NTRK1: variants seen among roughly 807,000 people sequenced by gnomAD.
NTRK1 encodes neurotrophic receptor tyrosine kinase 1.
In NTRK1, 62 loss-of-function variants were observed where a neutral mutation model predicts 86.8. That is an observed-to-expected ratio of 0.71 (90% CI 0.58 to 0.88). The LOEUF is 0.88. Ranked by LOEUF, NTRK1 falls within the 40% of genes least tolerant of loss-of-function variation. The pLI, the probability that NTRK1 is intolerant of heterozygous loss-of-function variation, is 0.00. For synonymous variants in NTRK1, 469 were observed against 456.6 expected (o/e 1.03, Z -0.35); for missense variants, 967 against 1,078.4 (o/e 0.90, Z 1.45).
At chr1:156,864,300 T>C (rs1655822103) in intron 1 of NTRK1, 54 bp from the exon 2 acceptor site, 1 of 1,575,554 alleles carries the variant, frequency 6.3e-7, no homozygotes, top group African/African-American at 1.3e-5. Flanking sequence ...TGGGTGGGCA[T>C]GGGAACTCAA....
upstream of NTRK1, chr1:156,858,925 C>T: frequency 2.5e-6 from 1 of 405,282 alleles, no homozygotes; most frequent in East Asian, 4.5e-5. Flanking sequence ...GAGAAAATGA[C>T]ACAGGGTTCT....
At chr1:156,827,664 TG>T (rs1314941235) in intron 1 of NTRK1, among the ~76,000 whole-genome samples, 1 of 152,080 alleles carries the variant, frequency 6.6e-6, no homozygotes, top group Non-Finnish European at 1.5e-5. Flanking sequence ...TCCAAAATGC[TG>T]GGATTAAAGG....
At chr1:156,863,379 C>A (rs1655771692) in intron 1 of NTRK1, among the ~76,000 whole-genome samples, 1 of 152,028 alleles carries the variant, frequency 6.6e-6, no homozygotes, top group Non-Finnish European at 1.5e-5. Context: ...CCCGTCTGCC[C>A]CCACCCTCCT....
rs779186159 is a variant in NTRK1, at chr1:156,842,459, A to T, written c.50+266A>T. 8 of 1,613,952 alleles carry T rather than the reference A, an allele frequency of 5.0e-6. No homozygotes were observed. The East Asian group carries it at 1.8e-4, about 36-fold the overall frequency. On this transcript the variant is annotated intron_variant, in intron 2 of 16. Transcript: ENST00000392302. ...GAGGTCCCCACGGGTCATTAACTCC[A>T]TGATGACCAGAGTTGGCTGGCCCTG...
chr1:156,857,163 A>ATGTG (rs57324546), upstream of NTRK1, among the ~76,000 whole-genome samples: 6,546 of 130,454 alleles, frequency 0.05, 232 homozygotes, highest in Middle Eastern at 0.13. Context: ...GCAGCTGTGT[A>ATGTG]TGTGTGTGTG....
chr1:156,849,187 C>G, intron 2 of NTRK1: 1 of 1,604,290 alleles, frequency 6.2e-7, no homozygotes, highest in South Asian at 1.1e-5. Flanking sequence ...CTCCCTCCCC[C>G]GGGTGTGCGT....
Position 156,854,428 on chromosome 1 carries a change from T to C in NTRK1, c.51-9926T>C, listed in dbSNP as rs1465869238. 1 of 1,069,894 alleles carries C rather than the reference T, an allele frequency of 9.3e-7. No individual in the cohort carries two copies. The highest frequency in any genetic ancestry group is 2.5e-5 in the Admixed American group (1 of 39,324). 66.3% of individuals were successfully genotyped at this position (1,069,894 alleles called of 1,614,324 possible). On this transcript the variant is annotated intron_variant, in intron 2 of 16. Coordinates refer to the NTRK1 transcript ENST00000392302. This position sits in a 1 kb window ranked among gnomAD's most constrained non-coding sequence, Gnocchi z 4.2. ...ATGAGTGAGGAGCCGGGCTCTGCTC[T>C]GGGTGTGGGGTGGCCTCCTTCCTGG... is the stretch of plus-strand genomic sequence containing the variant.
At position 156,881,494 on chromosome 1, in the gene NTRK1, G is replaced by T. The variant is rs745776726; in HGVS notation, c.2243G>T (p.Arg748Leu). 4.4e-6 allele frequency: 7 copies of T among 1,588,832 alleles called. No individual in the cohort carries two copies. In the Admixed American group the frequency reaches 7.1e-5, roughly 16 times the overall value. Residue 748 changes from arginine to leucine, a missense_variant, in exon 17 of 17, where the codon CGG becomes CTG. Around this residue, in one of 2 missense-constraint regions of NTRK1, gnomAD observed 637 missense variants for 776.5 expected, o/e 0.82. Transcript: ENST00000524377. ...DCITQGRELE[R>L]PRACPPEVYA... ...ATCACGCAGGGACGTGAGTTGGAGC[G>T]GCCACGTGCCTGCCCACCAGAGGTC...
intron 9 of NTRK1, 81 bp downstream of exon 9, chr1:156,874,481 C>T (rs951935147): frequency 3.8e-5 from 61 of 1,610,864 alleles, no homozygotes; most frequent in Middle Eastern, 3.3e-4. Context: ...TGAACTGATC[C>T]CTGAGAGACC....
chr1:156,854,441 G>A lies in NTRK1; in HGVS notation c.51-9913G>A. ...CGGGCTCTGCTCTGGGTGTGGGGTG[G>A]CCTCCTTCCTGGGCCCCGGAGGGCT... On this transcript the variant is annotated intron_variant, in intron 2 of 16. Coordinates refer to the NTRK1 transcript ENST00000392302. This position sits in a 1 kb window ranked among gnomAD's most constrained non-coding sequence, Gnocchi z 4.2. 2.1e-6 allele frequency: 2 copies of A among 950,236 alleles called. No homozygotes were observed. Among genetic ancestry groups the A allele is most frequent in the Non-Finnish European group, 3.1e-6 (2 of 654,084 alleles). The allele number at this position is 950,236 out of a possible 1,614,324, so 58.9% of individuals were successfully genotyped here. A position where few individuals can be genotyped will look rare whatever the true frequency, so the allele number is the denominator to read the frequency against.
rs956371240 is a variant in NTRK1 at position 156,817,694 on chromosome 1, C to G, written c.-64+1856C>G. Among the ~76,000 whole-genome samples, 10 of 148,534 alleles carry G rather than the reference C, an allele frequency of 6.7e-5. No homozygotes were observed. The South Asian group carries it at 2.1e-3, about 32-fold the overall frequency. On this transcript the variant is annotated intron_variant, in intron 1 of 16. Coordinates refer to the NTRK1 transcript ENST00000392302. ...GTCTAGCTCTGTCACCCAGGCTGGA[C>G]TGCAGTGGCACAATCTCAGCTCACT...
intron 2 of NTRK1, chr1:156,853,816 A>T: frequency 6.2e-7 from 1 of 1,613,372 alleles, no homozygotes; most frequent in Middle Eastern, 1.7e-4. Context: ...TGGTCTTGGC[A>T]CAGGGCTCAC....
At position 156,830,550 on chromosome 1, in the gene NTRK1, CTTT is replaced by C. The variant is rs5778003; in HGVS notation, c.-63-11509_-63-11507del. Among the ~76,000 whole-genome samples, 429 of 105,384 alleles carry C rather than the reference CTTT, an allele frequency of 4.1e-3. 1 individual carries two copies. Among genetic ancestry groups the C allele is most frequent in the African/African-American group, 0.016 (409 of 24,954 alleles). 69.1% of individuals were successfully genotyped at this position (105,384 alleles called of 152,430 possible). ...TTTCTAGAAGAGAGGTTGTGGGATT[CTTT>C]TTTTTTTTTTTTTTTTTTTTTGAGA... On this transcript the variant is annotated intron_variant, in intron 1 of 16. Transcript: ENST00000392302.
At chr1:156,880,386 G>C in intron 16 of NTRK1, 1 of 589,622 alleles carries the variant, frequency 1.7e-6, no homozygotes, top group Non-Finnish European at 3.0e-6. Context: ...GTTGGCCCCT[G>C]GGGGAACCTC....
upstream of NTRK1, among the ~76,000 whole-genome samples, chr1:156,860,135 C>A (rs1208474506): frequency 1.3e-5 from 2 of 152,324 alleles, no homozygotes; most frequent in African/African-American, 4.8e-5. Flanking sequence ...CCGGGGCCGG[C>A]GCTGGCTGGC....
rs776161882 is a variant in NTRK1, at chr1:156,873,617, T to G, written c.851-16T>G. ...CTGCGCCCTGACCTCCTGCTGTTGC[T>G]CTTTCTGGCCCACAGTCCCGGCCAG... On this transcript the variant is annotated splice_polypyrimidine_tract_variant and intron_variant, in intron 7 of 16. Transcript: ENST00000524377. The G allele has an allele frequency of 3.1e-6, 5 of 1,608,516 alleles. No individual in the cohort carries two copies. The East Asian group carries it at 1.1e-4, about 36-fold the overall frequency.
intron 1 of NTRK1, chr1:156,840,726 A>T (rs968300724): frequency 1.7e-5 from 11 of 665,436 alleles, no homozygotes; most frequent in African/African-American, 3.6e-5. Flanking sequence ...CCACCCCCAC[A>T]GCCTTCCCTG....
chr1:156,858,705 A>C, upstream of NTRK1: 3 of 1,166,018 alleles, frequency 2.6e-6, no homozygotes, highest in Middle Eastern at 3.9e-4. Context: ...TAAGGGACAC[A>C]GAGACCAGGG....
intron 1 of NTRK1, among the ~76,000 whole-genome samples, chr1:156,837,427 A>G (rs904094730): frequency 1.3e-5 from 2 of 152,214 alleles, no homozygotes; most frequent in African/African-American, 2.4e-5. Context: ...CCTAGTGATC[A>G]CTTACTAGTG....
Sources: gnomAD v4.1 joint callset for allele counts (sites outside exome capture counted in the v4.1 genomes callset) on GRCh38, gnomAD v4.1.1 for gene constraint, gnomAD v4.1.1 regional missense constraint, Gnocchi (gnomAD v3.1) non-coding constraint, MANE v1.5 for transcripts, NCBI Gene and HGNC (gene_info 2026-07-23, HGNC 2026-07-21) for gene names.